The following NKAIN3 variants were observed in gnomAD, a reference collection of about 807,000 sequenced individuals.
NKAIN3 encodes sodium/potassium-transporting ATPase subunit beta-1-interacting protein 3.
A neutral mutation model predicts 30.2 loss-of-function variants in NKAIN3; 25 were observed. The observed-to-expected ratio is 0.83, with a 90% CI of 0.60 to 1.16. The LOEUF (loss-of-function observed/expected upper bound fraction) is 1.16. Ranked by LOEUF, NKAIN3 falls within the 50% of genes most tolerant of loss-of-function variation. The pLI is 0.00. For missense variants in NKAIN3, 225 were observed against 254.1 expected, an observed-to-expected ratio of 0.89 and a Z score of 0.78; for synonymous variants, 91 against 89.6, an observed-to-expected ratio of 1.02 and a Z score of -0.09.
intron 5 of NKAIN3, among the ~76,000 whole-genome samples, chr8:62,922,185 A>G (rs574394790): frequency 9.5e-4 from 144 of 152,322 alleles, no homozygotes; most frequent in Non-Finnish European, 1.7e-3. Flanking sequence ...TATACTTTTG[A>G]GGAACTTTTT....
intron 3 of NKAIN3, among the ~76,000 whole-genome samples, chr8:62,624,771 C>G (rs1015701137): frequency 6.8e-6 from 1 of 148,066 alleles, no homozygotes; most frequent in Non-Finnish European, 1.5e-5. Context: ...TCCCATGGTT[C>G]TTGAACATTC....
chr8:62,957,369 T>C (rs1823447524), intron 6 of NKAIN3, among the ~76,000 whole-genome samples: 2 of 152,132 alleles, frequency 1.3e-5, no homozygotes, highest in Non-Finnish European at 2.9e-5. Flanking sequence ...CTCCTGACCT[T>C]GTGATCCGCC....
In NKAIN3 at chr8:62,605,829, G is replaced by A. The variant is rs546756996; in HGVS notation, c.273+16035G>A. Among the ~76,000 whole-genome samples, 284 of 152,080 alleles carry A rather than the reference G, an allele frequency of 1.9e-3. 3 individuals carry two copies. Among genetic ancestry groups the A allele is most frequent in the African/African-American group, 6.0e-3 (248 of 41,498 alleles). On this transcript the variant is annotated intron_variant, in intron 3 of 6. Transcript: ENST00000623646. The stretch of plus-strand genomic sequence containing the variant: ...GCAGGGGGCCTGGAATCAATGCCCC[G>A]TGGATACTGAGGAACAATTGTAATA...
intron 4 of NKAIN3, among the ~76,000 whole-genome samples, chr8:62,801,181 G>GGGGGC (rs774819882): frequency 2.4e-4 from 37 of 152,214 alleles, no homozygotes; most frequent in Non-Finnish European, 5.0e-4. Context: ...CTCCACCTCT[G>GGGGGC]GGGGCAGGGC....
At chr8:62,943,418 G>A (rs1204138803) in intron 5 of NKAIN3, among the ~76,000 whole-genome samples, 1 of 152,058 alleles carries the variant, frequency 6.6e-6, no homozygotes, top group African/African-American at 2.4e-5. Flanking sequence ...TGGTGAAAAG[G>A]GAACACTTTT....
chr8:62,664,401 G>A (rs2086378), intron 3 of NKAIN3, among the ~76,000 whole-genome samples: 72,609 of 151,394 alleles, frequency 0.48, 20,388 homozygotes, highest in African/African-American at 0.78. Flanking sequence ...AAATCAAACC[G>A]TCTACCTCCC....
At chr8:62,553,938 GT>G (rs1243803272) in intron 1 of NKAIN3, among the ~76,000 whole-genome samples, 6 of 152,084 alleles carry the variant, frequency 3.9e-5, no homozygotes, top group Non-Finnish European at 7.4e-5. Flanking sequence ...ACTTTTACTT[GT>G]TCCAATATTT....
chr8:62,380,894 C>T (rs1259654881), intron 1 of NKAIN3, among the ~76,000 whole-genome samples: 2 of 152,060 alleles, frequency 1.3e-5, no homozygotes, highest in Non-Finnish European at 2.9e-5. Context: ...GTAAGCCATT[C>T]TGAAGAACTA....
intron 5 of NKAIN3, among the ~76,000 whole-genome samples, chr8:62,991,772 A>C (rs1465616576): frequency 1.3e-5 from 2 of 152,202 alleles, no homozygotes; most frequent in East Asian, 1.9e-4. Flanking sequence ...AAATAAAAGA[A>C]GACTGGATAT....
At chr8:62,754,982 G>A (rs1816404561) in intron 4 of NKAIN3, among the ~76,000 whole-genome samples, 1 of 152,148 alleles carries the variant, frequency 6.6e-6, no homozygotes, top group Non-Finnish European at 1.5e-5. Context: ...CTCCAAAAAT[G>A]TAAATATAGT....
intron 4 of NKAIN3, among the ~76,000 whole-genome samples, chr8:62,771,387 TTGAAA>T (rs1161570423): frequency 2.0e-5 from 3 of 151,986 alleles, no homozygotes; most frequent in African/African-American, 7.2e-5. Flanking sequence ...TTACAATAAA[TTGAAA>T]TGAAAAGTTC....
chr8:62,565,583 A>C (rs987131771), intron 1 of NKAIN3, among the ~76,000 whole-genome samples: 5 of 152,172 alleles, frequency 3.3e-5, no homozygotes, highest in African/African-American at 1.2e-4. Flanking sequence ...CTGGCCCAAC[A>C]GTCTGAATAT....
chr8:62,309,968 AATTGC>A (rs1814375479), intron 1 of NKAIN3, among the ~76,000 whole-genome samples: 1 of 150,406 alleles, frequency 6.6e-6, no homozygotes, highest in Admixed American at 6.6e-5. Flanking sequence ...ACTATAAATT[AATTGC>A]ATAAACCCTG....
At chr8:62,301,018 C>G (rs1374115365) in intron 1 of NKAIN3, among the ~76,000 whole-genome samples, 1 of 151,962 alleles carries the variant, frequency 6.6e-6, no homozygotes, top group Non-Finnish European at 1.5e-5. Context: ...AGAAGACTAT[C>G]AAATCTTCTA....
At chr8:62,959,364 G>A (rs1461592464) in intron 6 of NKAIN3, among the ~76,000 whole-genome samples, 1 of 151,820 alleles carries the variant, frequency 6.6e-6, no homozygotes, top group Non-Finnish European at 1.5e-5. Flanking sequence ...ACCCCTATAT[G>A]TAAGTTGATG....
intron 5 of NKAIN3, among the ~76,000 whole-genome samples, chr8:62,928,441 C>G (rs2130868321): frequency 1.3e-5 from 2 of 152,264 alleles, no homozygotes; most frequent in Admixed American, 1.3e-4. Context: ...CTACAAAACT[C>G]CTACTGTTTC....
chr8:62,504,809 C>T (rs1807578873), intron 1 of NKAIN3, among the ~76,000 whole-genome samples: 1 of 152,102 alleles, frequency 6.6e-6, no homozygotes, highest in African/African-American at 2.4e-5. Context: ...TACTGTCTTT[C>T]CAGAGTGTTC....
chr8:62,687,032 G>A (rs1327618867), intron 3 of NKAIN3, among the ~76,000 whole-genome samples: 1 of 152,138 alleles, frequency 6.6e-6, no homozygotes, highest in Non-Finnish European at 1.5e-5. Flanking sequence ...GGCAACATAA[G>A]CATAAAGTTT....
intron 4 of NKAIN3, among the ~76,000 whole-genome samples, chr8:62,873,274 A>G (rs1486623323): frequency 6.6e-6 from 1 of 152,086 alleles, no homozygotes; most frequent in Admixed American, 6.6e-5. Context: ...GAATAATTCA[A>G]CAAGAAGAGC....
Sources: allele counts gnomAD v4.1 joint callset (sites outside exome capture counted in the v4.1 genomes callset), GRCh38; gene constraint gnomAD v4.1.1; transcripts MANE v1.5; gene names NCBI Gene and HGNC (gene_info 2026-07-23, HGNC 2026-07-21).